The following TRPM5 variants were observed in gnomAD, a reference collection of about 807,000 sequenced individuals.
TRPM5 encodes the protein transient receptor potential cation channel subfamily M member 5, also known as MLSN1 and TRP-related.
Under a neutral mutation model 124.9 loss-of-function variants are expected in TRPM5, and 121 were observed. The observed-to-expected ratio is 0.97, with a 90% CI of 0.84 to 1.13. The LOEUF (loss-of-function observed/expected upper bound fraction) is 1.13. Among genes scored for constraint, TRPM5 ranks in the 50% most tolerant of loss-of-function variants. The pLI is 0.00. For missense variants in TRPM5, 1,643 were observed against 1,589.1 expected, an observed-to-expected ratio of 1.03 and a Z score of -0.58; for synonymous variants, 781 against 700.5, an observed-to-expected ratio of 1.11 and a Z score of -1.81.
At position 2,411,494 on chromosome 11, in the gene TRPM5, CAGAA is replaced by C. The variant is rs776676533; in HGVS notation, c.2636_2639del (p.Phe879Ter). 1.7e-5 allele frequency: 27 copies of C among 1,610,370 alleles called. No homozygotes were observed. The highest frequency in any genetic ancestry group is 4.4e-5 in the South Asian group (4 of 90,996). On this transcript the variant is annotated frameshift_variant, in exon 18 of 24. Transcript: ENST00000155858. LOFTEE classifies it high-confidence loss of function. Reference sequence around the variant, plus strand: ...CACCGTAGGCCACGAGCCACACGCTCAGAAAGAAGAGGAAGAAGAAGACGTCCTT... The same window carrying C: ...CACCGTAGGCCACGAGCCACACGCTCAGAAGAGGAAGAAGAAGACGTCCTT...
At chr11:2,432,564 C>T in the TRPM5 span, among the ~76,000 whole-genome samples, 290 of 152,352 alleles carry the variant, frequency 1.9e-3, no homozygotes, top group African/African-American at 6.5e-3. Flanking sequence ...CCGGGGTCCT[C>T]GGGCCTCTGC....
At chr11:2,433,794 G>A in the TRPM5 span, among the ~76,000 whole-genome samples, 1 of 152,202 alleles carries the variant, frequency 6.6e-6, no homozygotes, top group East Asian at 1.9e-4. Context: ...GCATGCATAT[G>A]TGTGGACACC....
exon 7 of TRPM5, chr11:2,417,806 C>G (rs149600132): frequency 1.6e-5 from 25 of 1,529,508 alleles, no homozygotes; most frequent in Non-Finnish European, 2.2e-5. Flanking sequence ...TGAGCAGGTG[C>G]TGGTGTGAGG....
chr11:2,415,658 C>T (rs560075929), intron 8 of TRPM5, among the ~76,000 whole-genome samples, 187 bp from the exon 14 acceptor site: 60 of 152,330 alleles, frequency 3.9e-4, no homozygotes, highest in African/African-American at 1.1e-3. Context: ...AGGGGCCAGT[C>T]GTGAGCAAAT....
At chr11:2,412,206 C>T (rs1386926545) in exon 16 of TRPM5, 1 of 1,613,610 alleles carries the variant, frequency 6.2e-7, no homozygotes, top group South Asian at 1.1e-5. Flanking sequence ...CCCCCACATA[C>T]AGTGTGAACT....
At chr11:2,428,815 G>A in the TRPM5 span, among the ~76,000 whole-genome samples, 1 of 152,008 alleles carries the variant, frequency 6.6e-6, no homozygotes, top group East Asian at 1.9e-4. The surrounding 1 kb of genome is among the most constrained non-coding windows in gnomAD (Gnocchi z 4.0). Flanking sequence ...TGATTGTGGT[G>A]GGGATAATGG....
Position 2,410,065 on chromosome 11 carries a change from G to A in TRPM5, c.2782+1287C>T, listed in dbSNP as rs1342815077. ...CTGCCCCGAGGGGCCCTGCGGACGG[G>A]CAGTGCTGGAGGCCGTATGGTGAGG... On this transcript the variant is annotated intron_variant, in intron 18 of 23. Transcript: ENST00000155858. Among the ~76,000 whole-genome samples the A allele has an allele frequency of 2.0e-5, 3 of 152,316 alleles. No homozygotes were observed. In the East Asian group the frequency reaches 5.8e-4, roughly 30 times the overall value.
chr11:2,416,435 G>A (rs1438916137), intron 7 of TRPM5, among the ~76,000 whole-genome samples: 1 of 152,128 alleles, frequency 6.6e-6, no homozygotes, highest in East Asian at 1.9e-4. Context: ...AGGTCACCAG[G>A]GTCACTCAAG....
intron 19 of TRPM5, 75 bp from the exon 25 acceptor site, chr11:2,407,375 A>G (rs1850345847): frequency 1.4e-6 from 2 of 1,434,434 alleles, no homozygotes; most frequent in South Asian, 1.3e-5. Context: ...CTGCACCCTG[A>G]TTGCTGTTGG....
At chr11:2,413,939 C>G in intron 12 of TRPM5, 122 bp downstream of exon 17, 2 of 1,368,052 alleles carry the variant, frequency 1.5e-6, no homozygotes, top group East Asian at 2.5e-5. Flanking sequence ...CACCCCGCCC[C>G]CTCTGTGCTG....
chr11:2,407,425 G>A (rs538402666), intron 19 of TRPM5, 125 bp from the exon 25 acceptor site: 25 of 962,064 alleles, frequency 2.6e-5, no homozygotes, highest in Non-Finnish European at 3.2e-5. Context: ...CTGCTTCTGC[G>A]TTGCCTCTGG....
At chr11:2,427,449 C>T (rs1474808502), upstream of TRPM5, among the ~76,000 whole-genome samples, 1 of 152,214 alleles carries the variant, frequency 6.6e-6, no homozygotes, top group Non-Finnish European at 1.5e-5. Flanking sequence ...CTTCCCCGCC[C>T]ACAACTCCTG....
At chr11:2,415,211 C>T in exon 9 of TRPM5, 2 of 1,581,366 alleles carry the variant, frequency 1.3e-6, no homozygotes, top group East Asian at 2.3e-5. Flanking sequence ...AGACCTCGTG[C>T]AGGGAGAAGG....
chr11:2,432,248 G>A, the TRPM5 span, among the ~76,000 whole-genome samples: 1 of 152,230 alleles, frequency 6.6e-6, no homozygotes, highest in Non-Finnish European at 1.5e-5. Flanking sequence ...GCCTCTGCCT[G>A]CCCTCTACAG....
At chr11:2,430,898 A>G in the TRPM5 span, among the ~76,000 whole-genome samples, 97 of 86,974 alleles carry the variant, frequency 1.1e-3, no homozygotes, top group Non-Finnish European at 1.6e-3. Context: ...TGGTGACGGT[A>G]TTGGTGGTGG....
At chr11:2,414,094 G>A (rs145136134) in exon 12 of TRPM5, 11 of 1,590,070 alleles carry the variant, frequency 6.9e-6, no homozygotes, top group South Asian at 2.3e-5. Context: ...AGGCCTTGGC[G>A]TCAGCCTCGG....
the TRPM5 span, among the ~76,000 whole-genome samples, chr11:2,432,435 C>A: frequency 5.3e-5 from 8 of 152,348 alleles, no homozygotes; most frequent in African/African-American, 1.7e-4. Flanking sequence ...GGATCTCCAG[C>A]AACCCCAATG....
the TRPM5 span, among the ~76,000 whole-genome samples, chr11:2,435,749 C>A: frequency 5.3e-5 from 8 of 151,666 alleles, no homozygotes; most frequent in African/African-American, 1.9e-4. This position sits in a 1 kb window ranked among gnomAD's most constrained non-coding sequence, Gnocchi z 4.1. Context: ...AACTGTCCAT[C>A]TGTCCACCCA....
chr11:2,418,281 A>G, exon 6 of TRPM5: 1 of 1,580,060 alleles, frequency 6.3e-7, no homozygotes, highest in Non-Finnish European at 8.6e-7. Context: ...TCACTAGGGC[A>G]GCAAGCACAT....
Sources: allele counts gnomAD v4.1 joint callset (sites outside exome capture counted in the v4.1 genomes callset), GRCh38; gene constraint gnomAD v4.1.1; non-coding constraint Gnocchi (gnomAD v3.1); transcripts MANE v1.5; gene names NCBI Gene and HGNC (gene_info 2026-07-23, HGNC 2026-07-21).